PPM1H: variants seen among roughly 807,000 people sequenced by gnomAD.
The protein encoded by PPM1H is protein phosphatase, Mg2+/Mn2+ dependent 1H, also known as protein phosphatase 1H.
In PPM1H, 27 loss-of-function variants were observed where a neutral mutation model predicts 54.9. The ratio of observed to expected loss-of-function variants is 0.49; its 90% CI spans 0.36 to 0.68. PPM1H has a LOEUF of 0.68. Among genes scored for constraint, PPM1H ranks in the 30% least tolerant of loss-of-function variants. The pLI, the probability that PPM1H is intolerant of heterozygous loss-of-function variation, is 0.00. For synonymous variants in PPM1H, 305 were observed against 270.8 expected (o/e 1.13, Z -1.24); for missense variants, 596 against 667.8 (o/e 0.89, Z 1.19).
rs2076037411 is a variant in PPM1H at position 62,683,946 on chromosome 12, G to A, written c.1245+5753C>T. 3.3e-5 allele frequency among the ~76,000 whole-genome samples: 5 copies of A among 152,332 alleles called. No individual in the cohort carries two copies. The South Asian group carries it at 1.0e-3, about 32-fold the overall frequency. ...GGGCTGTCTGAGTTACAGAACAGGA[G>A]ATGTGTGCTGGACTGGGACTGGGAG... On this transcript the variant is annotated intron_variant, in intron 8 of 9. Coordinates refer to ENST00000228705, the MANE Select transcript of PPM1H (RefSeq NM_020700.2).
chr12:62,801,692 G>A (rs2076770691), intron 3 of PPM1H, 124 bp downstream of exon 3: 1 of 1,027,720 alleles, frequency 9.7e-7, no homozygotes, highest in Non-Finnish European at 1.4e-6. Context: ...TTATCACAGG[G>A]GGCCGTCCAG....
At chr12:62,890,594 G>A (rs1254321457) in intron 1 of PPM1H, among the ~76,000 whole-genome samples, 1 of 152,140 alleles carries the variant, frequency 6.6e-6, no homozygotes, top group African/African-American at 2.4e-5. Flanking sequence ...TAGCAGCCCC[G>A]AAAGGTAAAC....
intron 1 of PPM1H, among the ~76,000 whole-genome samples, chr12:62,889,345 G>A (rs1234789193): frequency 6.6e-6 from 1 of 152,074 alleles, no homozygotes; most frequent in African/African-American, 2.4e-5. Context: ...AACAAAGAGG[G>A]CTGACACTAC....
rs2076773584 is a variant in PPM1H at position 62,802,004 on chromosome 12, T to C, written c.568A>G (p.Thr190Ala). The C allele has an allele frequency of 6.2e-7, 1 of 1,613,096 alleles. No individual in the cohort carries two copies. Among genetic ancestry groups the C allele is most frequent in the Non-Finnish European group, 8.5e-7 (1 of 1,179,608 alleles). ...ILKNSAVLPP[T>A]CLGEEPENTP... ...TTCTCAGGCTCCTCCCCCAGGCAGG[T>C]AGGGGGCAGGACGGCGGAGTTCTTC... Residue 190 changes from threonine to alanine, a missense_variant, in exon 3 of 10, where the codon ACC (threonine) becomes GCC (alanine). By Grantham distance (58) the Thr-to-Ala change is moderately conservative. This residue lies in a region of PPM1H where 382 missense variants were observed against 387.1 expected (regional missense o/e 0.99). Transcript: ENST00000228705.
intron 1 of PPM1H, among the ~76,000 whole-genome samples, chr12:62,871,632 A>G (rs1708296968): frequency 1.3e-5 from 2 of 150,206 alleles, no homozygotes; most frequent in Admixed American, 1.3e-4. Flanking sequence ...CTCCCATCTC[A>G]GCCTCCCAAG....
At chr12:62,666,652 A>T (rs543202896) in intron 9 of PPM1H, among the ~76,000 whole-genome samples, 3 of 152,074 alleles carry the variant, frequency 2.0e-5, no homozygotes, top group Admixed American at 2.0e-4. Flanking sequence ...CAAACACTCA[A>T]ATTCTTTACC....
chr12:62,823,440 A>G (rs2076916568), intron 2 of PPM1H, among the ~76,000 whole-genome samples: 1 of 152,190 alleles, frequency 6.6e-6, no homozygotes, highest in Non-Finnish European at 1.5e-5. Flanking sequence ...AGAGAGACAC[A>G]ACAAAAAAAG....
At chr12:62,660,379 C>G (rs192919591) in intron 9 of PPM1H, among the ~76,000 whole-genome samples, 4 of 152,296 alleles carry the variant, frequency 2.6e-5, no homozygotes, top group Non-Finnish European at 4.4e-5. Context: ...CCAGAACAGC[C>G]ATAGCAAACC....
At chr12:62,748,820 T>C (rs2076426481) in intron 4 of PPM1H, among the ~76,000 whole-genome samples, 1 of 152,192 alleles carries the variant, frequency 6.6e-6, no homozygotes, top group Non-Finnish European at 1.5e-5. Flanking sequence ...AATCTGTGAT[T>C]ATAGGTGCCA....
At chr12:62,749,497 G>A (rs549518474) in intron 4 of PPM1H, among the ~76,000 whole-genome samples, 57 of 152,280 alleles carry the variant, frequency 3.7e-4, no homozygotes, top group Admixed American at 1.9e-3. Context: ...TATTAGAAAC[G>A]CATTGTTGGG....
At chr12:62,726,591 G>T (rs1009798432) in intron 5 of PPM1H, among the ~76,000 whole-genome samples, 1 of 152,194 alleles carries the variant, frequency 6.6e-6, no homozygotes. Context: ...GAAGAGGCAA[G>T]CAGAGCAGGG....
chr12:62,737,651 T>C (rs2076357937), intron 4 of PPM1H, 65 bp from the exon 5 acceptor site: 1 of 1,194,250 alleles, frequency 8.4e-7, no homozygotes, highest in Non-Finnish European at 1.2e-6. Context: ...GTTACAACCA[T>C]TGCTTGGTTC....
At chr12:62,893,805 C>T (rs577115424) in intron 1 of PPM1H, among the ~76,000 whole-genome samples, 41 of 152,234 alleles carry the variant, frequency 2.7e-4, no homozygotes, top group South Asian at 1.7e-3. Flanking sequence ...ATCTGAATTA[C>T]CTCTTTAAAG....
intron 1 of PPM1H, among the ~76,000 whole-genome samples, chr12:62,921,408 A>G (rs1592672134): frequency 6.6e-6 from 1 of 152,236 alleles, no homozygotes; most frequent in South Asian, 2.1e-4. Context: ...TGGGCAAGTA[A>G]TTGATCTGTC....
chr12:62,884,348 A>G (rs900929179), intron 1 of PPM1H, among the ~76,000 whole-genome samples: 2 of 151,972 alleles, frequency 1.3e-5, no homozygotes, highest in African/African-American at 4.8e-5. Context: ...GAAAAAAAAA[A>G]AAAATAGTCA....
chr12:62,930,855 A>G, intron 1 of PPM1H, among the ~76,000 whole-genome samples: 1 of 152,220 alleles, frequency 6.6e-6, no homozygotes, highest in Admixed American at 6.5e-5. Context: ...AATGCTTTAC[A>G]GAGCTTTACA....
chr12:62,923,387 A>T (rs1023508532), intron 1 of PPM1H, among the ~76,000 whole-genome samples: 6 of 151,564 alleles, frequency 4.0e-5, no homozygotes, highest in South Asian at 2.1e-4. Context: ...ACATTTGAAA[A>T]TTTTTTTTTC....
chr12:62,803,811 G>C (rs965191501), intron 2 of PPM1H, among the ~76,000 whole-genome samples: 1 of 152,172 alleles, frequency 6.6e-6, no homozygotes, highest in Non-Finnish European at 1.5e-5. Context: ...TGTGTGATAA[G>C]GGGTTAATTT....
chr12:62,788,637 G>A (rs1430207065), intron 3 of PPM1H, among the ~76,000 whole-genome samples: 2 of 152,232 alleles, frequency 1.3e-5, no homozygotes, highest in African/African-American at 4.8e-5. Context: ...CACAGCTTAT[G>A]GAAAATTTAG....
Sources: allele counts gnomAD v4.1 joint callset (sites outside exome capture counted in the v4.1 genomes callset), GRCh38; gene constraint gnomAD v4.1.1; regional missense constraint gnomAD v4.1.1; transcripts MANE v1.5; gene names NCBI Gene and HGNC (gene_info 2026-07-23, HGNC 2026-07-21).